Variants in TNFAIP8 observed in about 807,000 individuals in gnomAD.
TNFAIP8 encodes TNF alpha induced protein 8.
TNFAIP8 carries 7 observed loss-of-function variants against 13.3 expected under a neutral mutation model. That is an observed-to-expected ratio of 0.52 (90% confidence interval 0.30 to 0.99). TNFAIP8 has a LOEUF of 0.99. Ranked by LOEUF, TNFAIP8 falls within the 50% of genes least tolerant of loss-of-function variation. The pLI is 0.07. For missense variants in TNFAIP8, 258 were observed against 236.9 expected, an observed-to-expected ratio of 1.09 and a Z score of -0.58; for synonymous variants, 94 against 87.6, an observed-to-expected ratio of 1.07 and a Z score of -0.41.
At chr5:119,351,104 C>T (rs954064727), upstream of TNFAIP8, among the ~76,000 whole-genome samples, 1 of 151,514 alleles carries the variant, frequency 6.6e-6, no homozygotes, top group Non-Finnish European at 1.5e-5. Context: ...CTCACTGTAG[C>T]CTTGAACTCC....
intron 1 of TNFAIP8, among the ~76,000 whole-genome samples, chr5:119,343,932 G>A (rs1439896086): frequency 2.6e-5 from 4 of 152,206 alleles, no homozygotes; most frequent in Non-Finnish European, 5.9e-5. Context: ...GAAAACAAGT[G>A]TCAAAAATTT....
At chr5:119,338,211 C>CACACACAA (rs70982473) in intron 1 of TNFAIP8, among the ~76,000 whole-genome samples, 1 of 146,492 alleles carries the variant, frequency 6.8e-6, no homozygotes, top group Non-Finnish European at 1.5e-5. Flanking sequence ...CACACACACA[C>CACACACAA]CTTCTCAGCA....
chr5:119,299,248 T>C (rs1749280588), intron 1 of TNFAIP8, among the ~76,000 whole-genome samples: 1 of 152,170 alleles, frequency 6.6e-6, no homozygotes, highest in African/African-American at 2.4e-5. Context: ...TTATCTACTT[T>C]TGGTCTTTGA....
intron 1 of TNFAIP8, among the ~76,000 whole-genome samples, chr5:119,298,714 T>G (rs1390230813): frequency 1.3e-5 from 2 of 152,154 alleles, no homozygotes; most frequent in Non-Finnish European, 2.9e-5. Context: ...TCCAACTAGG[T>G]TCCATTCTCC....
upstream of TNFAIP8, chr5:119,355,295 C>T: frequency 1.4e-6 from 1 of 701,462 alleles, no homozygotes; most frequent in Middle Eastern, 2.8e-4. Flanking sequence ...TTTGGAGTAA[C>T]TGCAGCAATG....
chr5:119,325,269 AG>A (rs1750186826), intron 1 of TNFAIP8, among the ~76,000 whole-genome samples: 1 of 152,116 alleles, frequency 6.6e-6, no homozygotes, highest in South Asian at 2.1e-4. Flanking sequence ...AGTGGTTCAA[AG>A]GGCCTGTGGA....
rs557217355 is a variant in TNFAIP8 at position 119,333,691 on chromosome 5, A to T, written c.2-59125A>T. On this transcript the variant is annotated intron_variant, in intron 1 of 1. Transcript: ENST00000274456. ...ATAATGTCTTTGTTGAAATCTGGTAAAATGTTCAGATGACTAACATAGTAT... is the reference window on the plus strand; with the variant it reads ...ATAATGTCTTTGTTGAAATCTGGTATAATGTTCAGATGACTAACATAGTAT... 7 of 1,334,764 alleles carry T rather than the reference A, an allele frequency of 5.2e-6. No homozygotes were observed. The African/African-American group carries it at 7.2e-5, about 14-fold the overall frequency. 82.7% of individuals were successfully genotyped at this position (1,334,764 alleles called of 1,614,324 possible).
chr5:119,394,641 C>G lies in TNFAIP8; in HGVS notation c.*1260C>G, dbSNP rs1180167342. ...TTTTTTTTTTTTTTTGAGTCTCGCT[C>G]TGTTGTTTAGGCTAGAATGCAGTGG... On this transcript the variant is annotated 3_prime_UTR_variant, in exon 2 of 2. Transcript: ENST00000504771. 1 of 115,304 alleles carries G rather than the reference C, an allele frequency of 8.7e-6. No homozygotes were observed. Among genetic ancestry groups the G allele is most frequent in the African/African-American group, 4.5e-5 (1 of 22,118 alleles). The allele number at this position is 115,304 out of a possible 1,614,324, so 7.1% of individuals were successfully genotyped here. A position where few individuals can be genotyped will look rare whatever the true frequency, so the allele number is the denominator to read the frequency against.
At chr5:119,356,223 A>G (rs1328681098) in intron 1 of TNFAIP8, 102 bp downstream of exon 1, 8 of 1,111,366 alleles carry the variant, frequency 7.2e-6, no homozygotes, top group Non-Finnish European at 8.8e-6. Flanking sequence ...AGCGGTGGGC[A>G]CTTTGTCCGC....
chr5:119,272,714 C>T (rs932802191), intron 1 of TNFAIP8, among the ~76,000 whole-genome samples: 4 of 152,118 alleles, frequency 2.6e-5, no homozygotes, highest in African/African-American at 9.7e-5. Context: ...GTTGTTTTTT[C>T]TCTGGAAGCA....
At chr5:119,336,327 C>T (rs976781049) in intron 1 of TNFAIP8, among the ~76,000 whole-genome samples, 4 of 152,162 alleles carry the variant, frequency 2.6e-5, no homozygotes, top group South Asian at 2.1e-4. Flanking sequence ...GGCACTCTTC[C>T]GGCCACCCTG....
At chr5:119,351,051 TCTCA>T (rs1475100945), upstream of TNFAIP8, among the ~76,000 whole-genome samples, 1 of 150,052 alleles carries the variant, frequency 6.7e-6, no homozygotes, top group East Asian at 2.0e-4. Flanking sequence ...GAGAGAGGGG[TCTCA>T]CTCTGTTGCC....
At chr5:119,368,779 C>T (rs919155709) in intron 1 of TNFAIP8, among the ~76,000 whole-genome samples, 27 of 151,980 alleles carry the variant, frequency 1.8e-4, no homozygotes, top group Admixed American at 1.1e-3. Context: ...AGCAATAAAC[C>T]ATGTTTATAA....
intron 1 of TNFAIP8, among the ~76,000 whole-genome samples, chr5:119,300,178 G>T (rs1334958019): frequency 1.3e-5 from 2 of 152,226 alleles, no homozygotes; most frequent in African/African-American, 4.8e-5. Flanking sequence ...AGATGGAAAT[G>T]CAGAAATCAC....
At chr5:119,315,686 G>T (rs970416638) in intron 1 of TNFAIP8, among the ~76,000 whole-genome samples, 1 of 152,174 alleles carries the variant, frequency 6.6e-6, no homozygotes, top group African/African-American at 2.4e-5. Context: ...CAGGAGGGAA[G>T]CATGTGGGCT....
intron 1 of TNFAIP8, among the ~76,000 whole-genome samples, chr5:119,332,777 C>A (rs1211314442): frequency 6.6e-6 from 1 of 152,072 alleles, no homozygotes; most frequent in East Asian, 1.9e-4. Flanking sequence ...TGCCAAATGC[C>A]CACGTAAATA....
At chr5:119,312,843 T>G (rs1581595974) in intron 1 of TNFAIP8, among the ~76,000 whole-genome samples, 1 of 151,280 alleles carries the variant, frequency 6.6e-6, no homozygotes, top group Non-Finnish European at 1.5e-5. Context: ...AGAGGTTAGC[T>G]CTCAGATCAT....
chr5:119,313,440 A>G (rs7701688), intron 1 of TNFAIP8, among the ~76,000 whole-genome samples: 1 of 152,064 alleles, frequency 6.6e-6, no homozygotes, highest in Non-Finnish European at 1.5e-5. Flanking sequence ...TCTTGAGACC[A>G]CCATTGCCAG....
chr5:119,310,352 C>A (rs1749690918), intron 1 of TNFAIP8, among the ~76,000 whole-genome samples: 1 of 151,940 alleles, frequency 6.6e-6, no homozygotes, highest in Admixed American at 6.5e-5. Context: ...AATTGAACTT[C>A]TCCTAGGACA....
Sources: gnomAD v4.1 joint callset for allele counts (sites outside exome capture counted in the v4.1 genomes callset) on GRCh38, gnomAD v4.1.1 for gene constraint, MANE v1.5 for transcripts, NCBI Gene and HGNC (gene_info 2026-07-23, HGNC 2026-07-21) for gene names.